Variants in LINGO2 observed in about 807,000 individuals in gnomAD.
LINGO2 encodes leucine rich repeat and Ig domain containing 2.
In LINGO2, 14 loss-of-function variants were observed where a neutral mutation model predicts 30.6. That is an observed-to-expected ratio of 0.46 (90% CI 0.30 to 0.72). LINGO2 has a LOEUF of 0.72. Ranked by LOEUF, LINGO2 falls within the 30% of genes least tolerant of loss-of-function variation. LINGO2 has a pLI of 0.07. For missense variants in LINGO2, 729 were observed against 751.7 expected (o/e 0.97, Z 0.35); for synonymous variants, 317 against 288.5 (o/e 1.10, Z -1.00).
chr9:28,264,548 T>G (rs1162491543), intron 4 of LINGO2, among the ~76,000 whole-genome samples: 2 of 151,954 alleles, frequency 1.3e-5, no homozygotes, highest in Middle Eastern at 3.2e-3. Flanking sequence ...CAGCCCATGT[T>G]TGCATGTCAT....
intron 4 of LINGO2, among the ~76,000 whole-genome samples, chr9:28,059,430 T>C (rs578046863): frequency 7.2e-5 from 11 of 152,180 alleles, no homozygotes; most frequent in African/African-American, 2.4e-4. Flanking sequence ...CCGGTCTTTG[T>C]CCACCCGCAC....
intron 4 of LINGO2, among the ~76,000 whole-genome samples, chr9:28,244,819 CAAA>C (rs111672074): frequency 1.0e-4 from 14 of 140,392 alleles, no homozygotes; most frequent in Non-Finnish European, 1.4e-4. Flanking sequence ...GTATGCCAAC[CAAA>C]AAAAAAAAAA....
chr9:28,017,445 G>C (rs979796142), intron 4 of LINGO2, among the ~76,000 whole-genome samples: 5 of 152,148 alleles, frequency 3.3e-5, no homozygotes, highest in Non-Finnish European at 7.3e-5. Flanking sequence ...AAATCCCATA[G>C]TGTCTGCCCA....
chr9:28,166,425 G>A (rs1448273619), intron 4 of LINGO2, among the ~76,000 whole-genome samples: 2 of 152,118 alleles, frequency 1.3e-5, no homozygotes, highest in African/African-American at 4.8e-5. Flanking sequence ...GAGATAATGT[G>A]CACAGCTATG....
the LINGO2 span, among the ~76,000 whole-genome samples, chr9:29,003,077 C>T: frequency 6.6e-6 from 1 of 151,872 alleles, no homozygotes; most frequent in East Asian, 1.9e-4. Flanking sequence ...GAGTGATGCA[C>T]CTCAAAACAA....
Position 28,094,793 on chromosome 9 carries a change from T to C in LINGO2, c.-86-82388A>G, listed in dbSNP as rs961322488. Reference sequence around the variant, plus strand: ...AGGACTCCTCTGTACCATACTTTTTTTCCCACTCAACCAGACCCTCAAAGC... The same window carrying C: ...AGGACTCCTCTGTACCATACTTTTTCTCCCACTCAACCAGACCCTCAAAGC... On this transcript the variant is annotated intron_variant, in intron 4 of 5. Coordinates refer to ENST00000379992, the Ensembl canonical transcript of LINGO2. Among the ~76,000 whole-genome samples the C allele has an allele frequency of 1.3e-4, 20 of 152,202 alleles. No homozygotes were observed. In the East Asian group the frequency reaches 3.3e-3, roughly 25 times the overall value.
chr9:29,029,863 G>GT, the LINGO2 span, among the ~76,000 whole-genome samples: 23,284 of 148,320 alleles, frequency 0.16, 2,077 homozygotes, highest in South Asian at 0.2. Flanking sequence ...GAAGCTTTCA[G>GT]TTTTTTTTTT....
chr9:27,962,943 T>TA (rs1484701808), intron 5 of LINGO2, among the ~76,000 whole-genome samples: 1 of 152,176 alleles, frequency 6.6e-6, no homozygotes, highest in Non-Finnish European at 1.5e-5. Context: ...TTTTTATACT[T>TA]ACATTTTTCG....
intron 1 of LINGO2, among the ~76,000 whole-genome samples, chr9:28,512,208 G>A (rs1266966516): frequency 2.0e-5 from 3 of 152,050 alleles, no homozygotes; most frequent in Admixed American, 6.5e-5. Flanking sequence ...CCCGGTTCAC[G>A]GTAGGCAGTT....
At chr9:29,202,089 G>A in the LINGO2 span, among the ~76,000 whole-genome samples, 2 of 151,900 alleles carry the variant, frequency 1.3e-5, no homozygotes, top group African/African-American at 4.8e-5. Flanking sequence ...TAAGAACTAG[G>A]TCCAAAGATA....
chr9:29,207,022 T>C, the LINGO2 span, among the ~76,000 whole-genome samples: 1 of 152,044 alleles, frequency 6.6e-6, no homozygotes, highest in African/African-American at 2.4e-5. Context: ...TATATGTGTG[T>C]GTGTGTGTGT....
chr9:28,956,693 TCCTC>T, the LINGO2 span, among the ~76,000 whole-genome samples: 19 of 101,942 alleles, frequency 1.9e-4, no homozygotes, highest in Admixed American at 3.0e-4. Flanking sequence ...CTTCCTTCCT[TCCTC>T]CCTCCCTTCC....
At chr9:28,100,811 T>C (rs1004641000) in intron 4 of LINGO2, among the ~76,000 whole-genome samples, 4 of 152,172 alleles carry the variant, frequency 2.6e-5, no homozygotes, top group African/African-American at 9.6e-5. Context: ...TCTGACTTAT[T>C]AGAATTGATG....
At chr9:28,098,055 A>C (rs550160384) in intron 4 of LINGO2, among the ~76,000 whole-genome samples, 1 of 152,292 alleles carries the variant, frequency 6.6e-6, no homozygotes, top group Non-Finnish European at 1.5e-5. Context: ...CTGTAATCCC[A>C]ATACTACGGG....
intron 1 of LINGO2, among the ~76,000 whole-genome samples, chr9:28,655,273 C>A (rs933563741): frequency 3.9e-5 from 6 of 151,938 alleles, no homozygotes; most frequent in Non-Finnish European, 7.4e-5. Flanking sequence ...TGGCATGGCA[C>A]CTGTAGCCCC....
At chr9:28,205,097 G>T (rs1820365148) in intron 4 of LINGO2, among the ~76,000 whole-genome samples, 1 of 152,176 alleles carries the variant, frequency 6.6e-6, no homozygotes, top group East Asian at 1.9e-4. Flanking sequence ...CTATTCTAGA[G>T]ACTAGGGGAT....
chr9:28,482,646 A>G (rs1826020488), intron 1 of LINGO2, among the ~76,000 whole-genome samples: 1 of 152,084 alleles, frequency 6.6e-6, no homozygotes, highest in Admixed American at 6.6e-5. Flanking sequence ...CCATTTATCA[A>G]TTTTGGCTTT....
chr9:28,561,130 C>G lies in LINGO2; in HGVS notation c.-364-85105G>C, dbSNP rs569433452. Among the ~76,000 whole-genome samples the G allele has an allele frequency of 2.0e-5, 3 of 152,148 alleles. No homozygotes were observed. In the East Asian group the frequency reaches 5.8e-4, roughly 29 times the overall value. On this transcript the variant is annotated intron_variant, in intron 1 of 5. Transcript: ENST00000379992. ...GAGGAGTACATGATACGATACTTAT[C>G]AGTACCCTTATGTTTTTGTAACTCC...
At chr9:27,974,807 G>A (rs1820519880) in intron 5 of LINGO2, among the ~76,000 whole-genome samples, 1 of 152,156 alleles carries the variant, frequency 6.6e-6, no homozygotes, top group Admixed American at 6.6e-5. Context: ...TCACCTTAGA[G>A]AAAGAAAGGG....
Sources: gnomAD v4.1 joint callset for allele counts (sites outside exome capture counted in the v4.1 genomes callset) on GRCh38, gnomAD v4.1.1 for gene constraint, MANE v1.5 for transcripts, NCBI Gene and HGNC (gene_info 2026-07-23, HGNC 2026-07-21) for gene names.